The following AKR1C3 variants were observed in gnomAD, a reference collection of about 807,000 sequenced individuals.
AKR1C3 encodes the protein 3-alpha hydroxysteroid dehydrogenase, type II.
Under a neutral mutation model 43.6 loss-of-function variants are expected in AKR1C3, and 48 were observed. The observed-to-expected ratio is 1.10, with a 90% CI of 0.87 to 1.40. AKR1C3 has a LOEUF of 1.40. Among genes scored for constraint, AKR1C3 ranks in the 40% most tolerant of loss-of-function variants. The pLI, the probability that AKR1C3 is intolerant of heterozygous loss-of-function variation, is 0.00. For missense variants in AKR1C3, 482 were observed against 391.2 expected (o/e 1.23, Z -1.96); for synonymous variants, 162 against 139.6 (o/e 1.16, Z -1.13).
At chr10:5,066,243 TTTTGG>T (rs1554780791) in intron 1 of AKR1C3, among the ~76,000 whole-genome samples, 1 of 152,212 alleles carries the variant, frequency 6.6e-6, no homozygotes, top group Admixed American at 6.5e-5. Context: ...AGCGACTCCA[TTTTGG>T]TTTGGTTTGG....
Position 5,102,583 on chromosome 10 carries a change from A to G in AKR1C3, c.779A>G (p.Gln260Arg), listed in dbSNP as rs1413594234. The change falls in exon 7 of 9, where the codon CAG becomes CGG. Residue 260 changes from glutamine (Q) to arginine (R), a missense_variant. Transcript: ENST00000380554. ...RTPALIALRY[Q>R]LQRGVVVLAK... ...CCAGCCCTGATTGCCCTGCGCTACC[A>G]GCTGCAGCGTGGGGTTGTGGTCCTG... 3.9e-6 allele frequency: 6 copies of G among 1,551,004 alleles called. No homozygotes were observed. The highest frequency in any genetic ancestry group is 1.2e-5 in the South Asian group (1 of 83,528).
intron 1 of AKR1C3, among the ~76,000 whole-genome samples, chr10:5,071,659 A>G (rs1588339359): frequency 6.6e-6 from 1 of 152,212 alleles, no homozygotes; most frequent in Admixed American, 6.5e-5. Flanking sequence ...CCTGTTAAAG[A>G]GCCAGCCTGA....
At chr10:5,099,051 T>A (rs1355292543) in intron 4 of AKR1C3, among the ~76,000 whole-genome samples, 172 bp downstream of exon 4, 1 of 152,086 alleles carries the variant, frequency 6.6e-6, no homozygotes, top group African/African-American at 2.4e-5. Flanking sequence ...GTTTAGAGAG[T>A]GGGGCACAAG....
chr10:5,099,202 AC>A, intron 4 of AKR1C3, 124 bp from the exon 5 acceptor site: 5 of 1,486,810 alleles, frequency 3.4e-6, no homozygotes, highest in Non-Finnish European at 4.5e-6. Context: ...TCTTTTTTTG[AC>A]AATCACTGCT....
chr10:5,049,145 A>G (rs897526339), intron 1 of AKR1C3, among the ~76,000 whole-genome samples: 3 of 151,950 alleles, frequency 2.0e-5, no homozygotes, highest in Non-Finnish European at 2.9e-5. Flanking sequence ...TGTTTATTTC[A>G]TAGCTTGTCA....
rs782061194 is a variant in AKR1C3, at chr10:5,102,080, C to A, written c.571-21C>A. 10 of 1,440,502 alleles carry A rather than the reference C, an allele frequency of 6.9e-6. No homozygotes were observed. In the South Asian group the frequency reaches 1.2e-4, roughly 17 times the overall value. 89.2% of individuals were successfully genotyped at this position (1,440,502 alleles called of 1,614,324 possible). A position where few individuals can be genotyped will look rare whatever the true frequency, so the allele number is the denominator to read the frequency against. On this transcript the variant is annotated intron_variant, in intron 5 of 8. Coordinates refer to ENST00000380554, the MANE Select transcript of AKR1C3 (RefSeq NM_003739.6). ...AACTATTTCATATAAATTGATGCTT[C>A]TCTCTTTTGGTCAACTGCAGGTAGA...
intron 4 of AKR1C3, 145 bp from the exon 5 acceptor site, chr10:5,099,182 T>A: frequency 7.2e-7 from 1 of 1,388,196 alleles, no homozygotes; most frequent in Non-Finnish European, 9.7e-7. Flanking sequence ...CTATTTGCTG[T>A]TTGAATTTTT....
intron 7 of AKR1C3, among the ~76,000 whole-genome samples, chr10:5,103,939 G>GAT (rs1214499390): frequency 5.3e-5 from 8 of 151,760 alleles, no homozygotes; most frequent in Non-Finnish European, 7.4e-5. Flanking sequence ...ATGATAGATT[G>GAT]ATATATATAT....
chr10:5,066,938 G>C (rs887675796), intron 1 of AKR1C3, among the ~76,000 whole-genome samples: 1 of 152,108 alleles, frequency 6.6e-6, no homozygotes, highest in Non-Finnish European at 1.5e-5. Flanking sequence ...CTAAACCATG[G>C]AAAAAGCACT....
At chr10:5,051,664 A>G (rs1303209968) in intron 1 of AKR1C3, among the ~76,000 whole-genome samples, 1 of 152,116 alleles carries the variant, frequency 6.6e-6, no homozygotes, top group Admixed American at 6.6e-5. Flanking sequence ...ATTTTCAGAC[A>G]AATATTAACA....
intron 1 of AKR1C3, among the ~76,000 whole-genome samples, chr10:5,074,652 A>AT (rs1399120567): frequency 6.6e-6 from 1 of 152,308 alleles, no homozygotes; most frequent in East Asian, 1.9e-4. Flanking sequence ...CAAAGAGAAA[A>AT]TTCTAGCCAG....
In AKR1C3 at chr10:5,099,387, C is replaced by G. The variant is rs35575889; in HGVS notation, c.508C>G (p.Arg170Gly). The change falls in exon 5 of 9, where the codon CGC becomes GGC. Residue 170 changes from arginine (R) to glycine (G), a missense_variant. Coordinates refer to ENST00000380554, the MANE Select transcript of AKR1C3 (RefSeq NM_003739.6). ...AKSIGVSNFN[R>G]RQLEMILNKP... ...GTCCATTGGGGTGTCAAACTTCAAC[C>G]GCAGGCAGCTGGAGATGATCCTCAA... 8.7e-6 allele frequency: 14 copies of G among 1,614,152 alleles called. No homozygotes were observed. Among genetic ancestry groups the G allele is most frequent in the Non-Finnish European group, 1.2e-5 (14 of 1,180,038 alleles).
intron 1 of AKR1C3, among the ~76,000 whole-genome samples, chr10:5,076,829 G>A (rs782546531): frequency 3.1e-4 from 47 of 152,140 alleles, no homozygotes; most frequent in African/African-American, 4.8e-5. Context: ...CCCAGCCAAA[G>A]GAGCACTGCC....
At chr10:5,086,524 G>T (rs1020804325) in intron 1 of AKR1C3, among the ~76,000 whole-genome samples, 2 of 151,860 alleles carry the variant, frequency 1.3e-5, no homozygotes, top group South Asian at 2.1e-4. Flanking sequence ...AGTAGGTGTG[G>T]TGTGGTGCTG....
intron 3 of AKR1C3, 48 bp from the exon 4 acceptor site, chr10:5,098,754 T>G: frequency 3.3e-6 from 5 of 1,508,546 alleles, no homozygotes; most frequent in Non-Finnish European, 3.7e-6. Context: ...CAGCTATGAG[T>G]GGAGAAATTA....
upstream of AKR1C3, chr10:5,094,148 ATAATT>A (rs1286948536): frequency 9.4e-5 from 19 of 202,220 alleles, no homozygotes; most frequent in East Asian, 4.5e-4. Context: ...ATCCTTTTGA[ATAATT>A]TAATATAGAG....
At chr10:5,055,721 G>A (rs992983543) in intron 1 of AKR1C3, among the ~76,000 whole-genome samples, 5 of 152,182 alleles carry the variant, frequency 3.3e-5, no homozygotes, top group African/African-American at 2.4e-5. Context: ...CTTAAAGATG[G>A]AGCTTGTACT....
In AKR1C3 at chr10:5,097,503, T is replaced by C. The variant is rs782620878; in HGVS notation, c.322T>C (p.Leu108=). ...ALENSLKKAQ[L]DYVDLYLIHS... ...GGAAAACTCACTGAAGAAAGCTCAA[T>C]TGGACTATGTTGACCTCTATCTTAT... Residue 108 remains leucine, a synonymous_variant, in exon 3 of 9, where the codon TTG becomes CTG. Coordinates refer to ENST00000380554, the MANE Select transcript of AKR1C3 (RefSeq NM_003739.6). 22 of 1,613,858 alleles carry C rather than the reference T, an allele frequency of 1.4e-5. No individual in the cohort carries two copies. The highest frequency in any genetic ancestry group is 4.5e-5 in the East Asian group (2 of 44,866).
intron 5 of AKR1C3, among the ~76,000 whole-genome samples, chr10:5,101,329 G>A (rs1839342807): frequency 6.7e-6 from 1 of 149,100 alleles, no homozygotes; most frequent in Non-Finnish European, 1.5e-5. Flanking sequence ...ATTTATTATT[G>A]TATTTATTAT....
Sources: gnomAD v4.1 joint callset for allele counts (sites outside exome capture counted in the v4.1 genomes callset) on GRCh38, gnomAD v4.1.1 for gene constraint, MANE v1.5 for transcripts, NCBI Gene and HGNC (gene_info 2026-07-23, HGNC 2026-07-21) for gene names.